Variants in PCDHGA7 observed in about 807,000 individuals in gnomAD.
PCDHGA7 encodes the protein protocadherin gamma subfamily A, 7.
In PCDHGA7, 44 loss-of-function variants were observed where a neutral mutation model predicts 58.3. That is an observed-to-expected ratio of 0.75 (90% CI 0.59 to 0.97). The LOEUF is 0.97. Ranked by LOEUF, PCDHGA7 falls within the 50% of genes least tolerant of loss-of-function variation. The probability of loss-of-function intolerance (pLI) is 0.00; values close to 1 mark genes in which losing one functional copy is unlikely to be tolerated. For synonymous variants in PCDHGA7, 516 were observed against 504.2 expected, an observed-to-expected ratio of 1.02 and a Z score of -0.31; for missense variants, 1,266 against 1,188.7, an observed-to-expected ratio of 1.06 and a Z score of -0.96.
Position 141,451,147 on chromosome 5 carries a change from A to G in PCDHGA7, c.2425-43660A>G, listed in dbSNP as rs2098708727. ...CCAGCCTTATGATTGTATTTAGACT[A>G]GACATTTTTTTGGTAGTATATTATT... On this transcript the variant is annotated intron_variant, in intron 1 of 3. Coordinates refer to ENST00000518325, the MANE Select transcript of PCDHGA7 (RefSeq NM_018920.4). Among the ~76,000 whole-genome samples, 3 of 152,250 alleles carry G rather than the reference A, an allele frequency of 2.0e-5. No homozygotes were observed. In the South Asian group the frequency reaches 6.2e-4, roughly 32 times the overall value.
intron 1 of PCDHGA7, chr5:141,419,008 G>T: frequency 6.2e-7 from 1 of 1,613,978 alleles, no homozygotes; most frequent in Non-Finnish European, 8.5e-7. Flanking sequence ...GGGAAGTCAG[G>T]TGTAGCTTAA....
intron 1 of PCDHGA7, chr5:141,399,438 T>C (rs2093809569): frequency 1.2e-6 from 2 of 1,613,996 alleles, no homozygotes; most frequent in Admixed American, 1.7e-5. Flanking sequence ...TCATCCTACA[T>C]ATCAGAGACG....
At position 141,384,606 on chromosome 5, in the gene PCDHGA7, A is replaced by AGATGGT; in HGVS notation, c.1708_1713dup (p.Asp570_Gly571dup). ...AGATCCTGTACCCGGCCCTCCCCAC[A>AGATGGT]GATGGTTCTACTGGCATGGAGCTGG... On this transcript the variant is annotated inframe_insertion, in exon 1 of 4. Transcript: ENST00000518325. 1 of 1,614,152 alleles carries AGATGGT rather than the reference A, an allele frequency of 6.2e-7. No homozygotes were observed. The highest frequency in any genetic ancestry group is 8.5e-7 in the Non-Finnish European group (1 of 1,180,028).
At chr5:141,407,347 TG>T (rs1273387665) in intron 1 of PCDHGA7, among the ~76,000 whole-genome samples, 1 of 152,176 alleles carries the variant, frequency 6.6e-6, no homozygotes, top group Non-Finnish European at 1.5e-5. Flanking sequence ...TATGTTAATT[TG>T]GGGAAAACAT....
chr5:141,400,646 CTGTCCT>C, intron 1 of PCDHGA7: 1 of 1,222,508 alleles, frequency 8.2e-7, no homozygotes, highest in South Asian at 1.4e-5. Flanking sequence ...GCTCAGAAAG[CTGTCCT>C]ACCATTCTTT....
intron 1 of PCDHGA7, chr5:141,394,196 C>G (rs760903381): frequency 2.7e-5 from 44 of 1,613,792 alleles, no homozygotes; most frequent in African/African-American, 4.0e-5. Flanking sequence ...CAGCGTATAT[C>G]CTAGAGAACA....
intron 1 of PCDHGA7, chr5:141,419,343 A>G: frequency 6.2e-7 from 1 of 1,613,806 alleles, no homozygotes; most frequent in East Asian, 2.2e-5. Flanking sequence ...ATTGCCAGCG[A>G]CCTGGAGTCA....
Position 141,409,704 on chromosome 5 carries a change from T to C in PCDHGA7, c.2424+24381T>C. ...GCGAGTGACCTAGAGCCCCTGGCGG[T>C]GTCGTCATACGTGTCAGTGAGCGCG... On this transcript the variant is annotated intron_variant, in intron 1 of 3. Transcript: ENST00000518325. 6.2e-7 allele frequency: 1 copy of C among 1,613,248 alleles called. No homozygotes were observed. Among genetic ancestry groups the C allele is most frequent in the South Asian group, 1.1e-5 (1 of 91,072 alleles).
intron 1 of PCDHGA7, among the ~76,000 whole-genome samples, chr5:141,429,712 C>T (rs998121271): frequency 1.3e-5 from 2 of 151,994 alleles, no homozygotes; most frequent in African/African-American, 2.4e-5. Flanking sequence ...TAAATATTTA[C>T]GCTCATGAAA....
intron 1 of PCDHGA7, among the ~76,000 whole-genome samples, chr5:141,472,935 A>G (rs1593400204): frequency 6.6e-6 from 1 of 150,778 alleles, no homozygotes; most frequent in East Asian, 1.9e-4. Context: ...GTGGTGAGCC[A>G]AGATTATGCC....
intron 1 of PCDHGA7, chr5:141,414,511 G>A: frequency 1.2e-6 from 2 of 1,613,972 alleles, no homozygotes; most frequent in African/African-American, 1.3e-5. Context: ...TATGCTACAA[G>A]TGGCAGATAT....
chr5:141,386,109 A>T (rs866004779), intron 1 of PCDHGA7: 1 of 152,246 alleles, frequency 6.6e-6, no homozygotes, highest in Non-Finnish European at 1.5e-5. Context: ...TCTGTGGGCT[A>T]TCAAAGTGGG....
intron 1 of PCDHGA7, chr5:141,389,720 C>T (rs1488646083): frequency 1.2e-6 from 2 of 1,612,576 alleles, no homozygotes; most frequent in East Asian, 4.5e-5. Flanking sequence ...CTAGCGAGCC[C>T]GGGCTCTTCA....
intron 1 of PCDHGA7, among the ~76,000 whole-genome samples, chr5:141,469,538 G>A (rs2099204234): frequency 6.6e-6 from 1 of 152,168 alleles, no homozygotes; most frequent in Non-Finnish European, 1.5e-5. Flanking sequence ...TTGTGCCACT[G>A]CACTCCAGCC....
intron 1 of PCDHGA7, chr5:141,423,216 G>A (rs376530221): frequency 1.2e-6 from 2 of 1,613,632 alleles, no homozygotes; most frequent in African/African-American, 2.7e-5. Flanking sequence ...CGCTCACCGT[G>A]GCTGTGGCCG....
chr5:141,401,506 C>A (rs2094161695), intron 1 of PCDHGA7, among the ~76,000 whole-genome samples: 1 of 152,126 alleles, frequency 6.6e-6, no homozygotes, highest in Non-Finnish European at 1.5e-5. Flanking sequence ...CCTTTTCCAC[C>A]TCTATATAAT....
At chr5:141,458,509 CTTTG>C (rs1327998402) in intron 1 of PCDHGA7, among the ~76,000 whole-genome samples, 2 of 149,986 alleles carry the variant, frequency 1.3e-5, no homozygotes. Context: ...CTGTTTGACA[CTTTG>C]TTTTTTTTTT....
At chr5:141,456,404 G>A (rs935040352) in intron 1 of PCDHGA7, among the ~76,000 whole-genome samples, 4 of 152,104 alleles carry the variant, frequency 2.6e-5, no homozygotes, top group Non-Finnish European at 4.4e-5. Flanking sequence ...TTGCTTCTAG[G>A]CGAGAAGAAA....
At chr5:141,498,796 G>A (rs1160540093) in intron 2 of PCDHGA7, among the ~76,000 whole-genome samples, 1 of 152,032 alleles carries the variant, frequency 6.6e-6, no homozygotes, top group Non-Finnish European at 1.5e-5. Context: ...AGCCAGGTGT[G>A]GTGGTGCACA....
Sources: allele counts gnomAD v4.1 joint callset (sites outside exome capture counted in the v4.1 genomes callset), GRCh38; gene constraint gnomAD v4.1.1; transcripts MANE v1.5; gene names NCBI Gene and HGNC (gene_info 2026-07-23, HGNC 2026-07-21).